The following FGD6 variants were observed in gnomAD, a reference collection of about 807,000 sequenced individuals.
The protein encoded by FGD6 is FYVE, RhoGEF and PH domain-containing protein 6.
In FGD6, 90 loss-of-function variants were observed where a neutral mutation model predicts 149.4. The ratio of observed to expected loss-of-function variants is 0.60; its 90% CI spans 0.51 to 0.72. FGD6 has a LOEUF of 0.72. Ranked by LOEUF, FGD6 falls within the 30% of genes least tolerant of loss-of-function variation. FGD6 has a pLI of 0.00. For synonymous variants in FGD6, 527 were observed against 584.0 expected (o/e 0.90, Z 1.41); for missense variants, 1,437 against 1,684.8 (o/e 0.85, Z 2.57).
chr12:95,191,801 G>A (rs920820778), intron 2 of FGD6, among the ~76,000 whole-genome samples: 18 of 152,168 alleles, frequency 1.2e-4, no homozygotes, highest in South Asian at 8.3e-4. Flanking sequence ...GCAATAGCAC[G>A]GTCTCAGCTC....
rs1250087938 is a variant in FGD6 at position 95,149,319 on chromosome 12, A to G, written c.2685+3492T>C. ...TATATAATATATTATATTATATAGC[A>G]TATATTATATAATATATTATATAAT... is the stretch of plus-strand genomic sequence containing the variant. On this transcript the variant is annotated intron_variant, in intron 5 of 20. Transcript: ENST00000343958. Among the ~76,000 whole-genome samples, 193 of 97,868 alleles carry G rather than the reference A, an allele frequency of 2.0e-3. 5 individuals are homozygous for G. Among genetic ancestry groups the G allele is most frequent in the Admixed American group, 3.2e-3 (20 of 6,278 alleles). 64.2% of individuals were successfully genotyped at this position (97,868 alleles called of 152,430 possible). A position where few individuals can be genotyped will look rare whatever the true frequency, so the allele number is the denominator to read the frequency against.
intron 2 of FGD6, among the ~76,000 whole-genome samples, chr12:95,195,958 C>G (rs939284496): frequency 6.6e-6 from 1 of 151,678 alleles, no homozygotes; most frequent in African/African-American, 2.4e-5. Context: ...CCCGTTTCTA[C>G]TAAATATATA....
rs143625682 is a variant in FGD6 at position 95,153,646 on chromosome 12, G to A, written c.2587-653C>T. Among the ~76,000 whole-genome samples, 17 of 152,122 alleles carry A rather than the reference G, an allele frequency of 1.1e-4. 1 individual carries two copies. Among genetic ancestry groups the A allele is most frequent in the Middle Eastern group, 3.4e-3 (1 of 294 alleles). ...ATTGCACTATAGCCTGGGCAACAAGGGTGAAACTCTGTCTCAAAAACAAAA... is the reference window on the plus strand; with the variant it reads ...ATTGCACTATAGCCTGGGCAACAAGAGTGAAACTCTGTCTCAAAAACAAAA... On this transcript the variant is annotated intron_variant, in intron 3 of 20. Coordinates refer to ENST00000343958, the MANE Select transcript of FGD6 (RefSeq NM_018351.4).
chr12:95,192,652 G>C (rs148207425), intron 2 of FGD6, among the ~76,000 whole-genome samples: 1 of 152,322 alleles, frequency 6.6e-6, no homozygotes, highest in African/African-American at 2.4e-5. Flanking sequence ...CTGACAAGAA[G>C]AGGCAGTGTT....
At chr12:95,112,353 A>G (rs1878854307) in intron 9 of FGD6, among the ~76,000 whole-genome samples, 2 of 152,068 alleles carry the variant, frequency 1.3e-5, no homozygotes, top group African/African-American at 4.8e-5. Flanking sequence ...TAATCCCAGC[A>G]CTTTGGGAAG....
intron 5 of FGD6, among the ~76,000 whole-genome samples, chr12:95,142,318 T>C (rs934113980): frequency 6.6e-6 from 1 of 151,532 alleles, no homozygotes; most frequent in African/African-American, 2.4e-5. Flanking sequence ...ATTTTTTGTA[T>C]GTTTTTAGTA....
chr12:95,136,231 G>A (rs1305839325), intron 7 of FGD6, among the ~76,000 whole-genome samples: 1 of 152,022 alleles, frequency 6.6e-6, no homozygotes, highest in East Asian at 1.9e-4. Context: ...GGTGGCACAT[G>A]CCTGAAATCC....
At chr12:95,171,548 C>T (rs1184225948) in intron 3 of FGD6, among the ~76,000 whole-genome samples, 1 of 152,174 alleles carries the variant, frequency 6.6e-6, no homozygotes, top group Non-Finnish European at 1.5e-5. Context: ...CGGAGTCTCA[C>T]TCTGTCACCC....
chr12:95,161,083 G>A (rs545310458), intron 3 of FGD6, among the ~76,000 whole-genome samples: 1 of 151,930 alleles, frequency 6.6e-6, no homozygotes, highest in African/African-American at 2.4e-5. Context: ...GGGAGGCTGA[G>A]ACAGGAGAAT....
chr12:95,112,667 C>T (rs1878867009), intron 9 of FGD6, among the ~76,000 whole-genome samples: 1 of 152,236 alleles, frequency 6.6e-6, no homozygotes, highest in Non-Finnish European at 1.5e-5. Flanking sequence ...AACAGAAACA[C>T]CCAAACAGAA....
rs772443736 is a variant in FGD6, at chr12:95,209,893, T to A, written c.1391A>T (p.Asn464Ile). ...GTTTCTCCCAGATTGCAAATGTTCA[T>A]TGCAAGTTAATTTGAGCTGCTTAGG... is the stretch of plus-strand genomic sequence containing the variant. ...SLPKQLKLTC[N>I]EHLQSGRNLG... The change falls in exon 2 of 21, where the codon AAT becomes ATT. Residue 464 changes from asparagine to isoleucine, a missense_variant. Asn to Ile is a moderately radical substitution (Grantham distance 149, BLOSUM62 -3). This residue lies in a region of FGD6 where 1,055 missense variants were observed against 1,146.0 expected (regional missense o/e 0.92). Coordinates refer to ENST00000343958, the MANE Select transcript of FGD6 (RefSeq NM_018351.4). 9.9e-6 allele frequency: 16 copies of A among 1,613,406 alleles called. No homozygotes were observed. The highest frequency in any genetic ancestry group is 1.3e-5 in the Non-Finnish European group (15 of 1,179,920).
intron 2 of FGD6, among the ~76,000 whole-genome samples, chr12:95,175,518 G>T (rs1411329637): frequency 2.0e-5 from 3 of 152,102 alleles, no homozygotes; most frequent in Non-Finnish European, 4.4e-5. Flanking sequence ...GGCCAAAGTG[G>T]GTGGATGGCT....
rs762333635 is a variant in FGD6 at position 95,141,427 on chromosome 12, C to CGGTTGA, written c.2792_2797dup (p.Leu931_Asn932dup). ...TTCCTCCAGTTCCTTCAAGAGATCC[C>CGGTTGA]GGTTGAGCTCATACAGCTGAGGCAA... On this transcript the variant is annotated inframe_insertion, in exon 6 of 21. Coordinates refer to ENST00000343958, the MANE Select transcript of FGD6 (RefSeq NM_018351.4). 21 of 1,613,956 alleles carry CGGTTGA rather than the reference C, an allele frequency of 1.3e-5. No individual in the cohort carries two copies. The Admixed American group carries it at 2.3e-4, about 18-fold the overall frequency.
At chr12:95,086,040 A>G in intron 18 of FGD6, 132 bp from the exon 19 acceptor site, 1 of 922,320 alleles carries the variant, frequency 1.1e-6, no homozygotes, top group Non-Finnish European at 1.6e-6. Context: ...ATATTTTCAA[A>G]GTGCTACTAT....
chr12:95,148,630 CAT>C lies in FGD6; in HGVS notation c.2685+4179_2685+4180del, dbSNP rs1216656772. On this transcript the variant is annotated intron_variant, in intron 5 of 20. Transcript: ENST00000343958. ...GTTATATATATTATATAATACATAG[CAT>C]ATGTTATATTATATATATTATATAT... 5.9e-3 allele frequency among the ~76,000 whole-genome samples: 699 copies of C among 118,596 alleles called. 21 individuals are homozygous for C. The highest frequency in any genetic ancestry group is 0.022 in the African/African-American group (665 of 30,080). The allele number at this position is 118,596 out of a possible 152,430, so 77.8% of individuals were successfully genotyped here.
intron 6 of FGD6, among the ~76,000 whole-genome samples, chr12:95,140,388 A>G (rs896477819): frequency 1.3e-5 from 2 of 152,192 alleles, no homozygotes; most frequent in African/African-American, 4.8e-5. Context: ...TGGGAGGCCA[A>G]GGCGGATCAC....
intron 2 of FGD6, among the ~76,000 whole-genome samples, chr12:95,199,818 T>C (rs1441231255): frequency 6.6e-6 from 1 of 152,134 alleles, no homozygotes; most frequent in Non-Finnish European, 1.5e-5. Context: ...TTGGCCAGGC[T>C]AGTCTCGAAC....
At chr12:95,113,441 G>A (rs766146051) in intron 9 of FGD6, among the ~76,000 whole-genome samples, 9 of 151,860 alleles carry the variant, frequency 5.9e-5, no homozygotes, top group Non-Finnish European at 1.2e-4. Context: ...TCACCATGTA[G>A]GCCAGGCTGG....
At chr12:95,131,941 G>A (rs1230321057) in intron 8 of FGD6, among the ~76,000 whole-genome samples, 2 of 152,152 alleles carry the variant, frequency 1.3e-5, no homozygotes, top group Non-Finnish European at 2.9e-5. Context: ...TTGGGAGGCT[G>A]AGGAGGGAGG....
Sources: gnomAD v4.1 joint callset for allele counts (sites outside exome capture counted in the v4.1 genomes callset) on GRCh38, gnomAD v4.1.1 for gene constraint, gnomAD v4.1.1 regional missense constraint, MANE v1.5 for transcripts, NCBI Gene and HGNC (gene_info 2026-07-23, HGNC 2026-07-21) for gene names.